The following COL4A6 variants were observed in gnomAD, a reference collection of about 807,000 sequenced individuals.
The protein encoded by COL4A6 is collagen type IV alpha 6 chain, also known as collagen alpha-6(IV) chain.
A neutral mutation model predicts 126.7 loss-of-function variants in COL4A6; 59 were observed. That is an observed-to-expected ratio of 0.47 (90% CI 0.38 to 0.58). COL4A6 has a LOEUF of 0.58. Ranked by LOEUF, COL4A6 falls within the 20% of genes least tolerant of loss-of-function variation. The pLI is 0.00. For missense variants in COL4A6, 1,285 were observed against 1,337.3 expected (o/e 0.96, Z 0.61); for synonymous variants, 547 against 496.6 (o/e 1.10, Z -1.35).
At chrX:108,287,948 C>T (rs184463902) in intron 3 of COL4A6, among the ~76,000 whole-genome samples, 24 of 111,829 alleles carry the variant, frequency 2.1e-4, no homozygotes, top group African/African-American at 7.8e-4. Context: ...TCTCAGGAAT[C>T]ACTGTTCCTT....
In COL4A6 at chrX:108,437,905, G is replaced by C. The variant is rs191763673; in HGVS notation, c.63+37C>G. 248 of 1,202,310 alleles carry C rather than the reference G, an allele frequency of 2.1e-4. 2 individuals carry two copies. The East Asian group carries it at 5.7e-3, about 28-fold the overall frequency. On this transcript the variant is annotated intron_variant, in intron 2 of 44. Coordinates refer to ENST00000334504, the MANE Select transcript of COL4A6 (RefSeq NM_033641.4). Reference sequence around the variant, plus strand: ...AGATGGGGATGGTTAGAGGGTCAAAGGAGGGGGACGGAAAAGGGTCGTGAG... The same window carrying C: ...AGATGGGGATGGTTAGAGGGTCAAACGAGGGGGACGGAAAAGGGTCGTGAG...
At chrX:108,341,980 AAG>A (rs1354972293) in intron 2 of COL4A6, among the ~76,000 whole-genome samples, 1 of 112,402 alleles carries the variant, frequency 8.9e-6, no homozygotes, top group Non-Finnish European at 1.9e-5. Flanking sequence ...TATCTAAGGA[AAG>A]AGAGAGTCCA....
chrX:108,273,455 A>G (rs2037509366), intron 3 of COL4A6, among the ~76,000 whole-genome samples: 1 of 111,109 alleles, frequency 9.0e-6, no homozygotes, highest in Non-Finnish European at 1.9e-5. Flanking sequence ...TAGAAATACC[A>G]TTTGACCCAG....
intron 2 of COL4A6, chrX:108,383,577 G>A: frequency 2.1e-6 from 1 of 483,754 alleles, no homozygotes; most frequent in Admixed American, 3.4e-5. Flanking sequence ...ACGAATGCGA[G>A]GCGAATAGCT....
intron 8 of COL4A6, among the ~76,000 whole-genome samples, chrX:108,207,991 T>TA (rs1279763363): frequency 9.0e-6 from 1 of 111,284 alleles, no homozygotes; most frequent in Non-Finnish European, 1.9e-5. Flanking sequence ...TAGAATGTTA[T>TA]AAAAAAACAA....
chrX:108,251,427 C>G (rs932297916), intron 3 of COL4A6, among the ~76,000 whole-genome samples: 6 of 111,604 alleles, frequency 5.4e-5, no homozygotes, highest in Non-Finnish European at 9.4e-5. Flanking sequence ...TCTCTCATGT[C>G]TCTGCCTAAA....
chrX:108,161,516 G>A (rs2148054276), intron 42 of COL4A6, 103 bp downstream of exon 42: 1 of 517,079 alleles, frequency 1.9e-6, no homozygotes, highest in African/African-American at 2.4e-5. Context: ...TCTACCACTG[G>A]GTTTATTAAG....
chrX:108,287,775 T>C (rs1360523601), intron 3 of COL4A6, among the ~76,000 whole-genome samples: 1 of 111,832 alleles, frequency 8.9e-6, no homozygotes, highest in Non-Finnish European at 1.9e-5. Context: ...TCTCTAATAC[T>C]TGTTCTGCAA....
At chrX:108,344,865 A>G (rs972679573) in intron 2 of COL4A6, among the ~76,000 whole-genome samples, 4 of 111,972 alleles carry the variant, frequency 3.6e-5, no homozygotes, top group South Asian at 7.5e-4. Flanking sequence ...AAATTCAAAT[A>G]TTTGAGTGGA....
At chrX:108,298,504 G>A (rs775060306) in intron 3 of COL4A6, among the ~76,000 whole-genome samples, 1 of 111,703 alleles carries the variant, frequency 9.0e-6, no homozygotes, top group East Asian at 2.9e-4. Flanking sequence ...TCACCTCCCA[G>A]CCACGGGTGG....
chrX:108,177,705 A>G (rs747140419), intron 27 of COL4A6, among the ~76,000 whole-genome samples: 49 of 112,270 alleles, frequency 4.4e-4, no homozygotes, highest in Non-Finnish European at 7.3e-4. Flanking sequence ...TTAAAAAACG[A>G]AAGGATTAAA....
At chrX:108,215,539 G>C (rs762850537) in intron 5 of COL4A6, among the ~76,000 whole-genome samples, 5 of 111,635 alleles carry the variant, frequency 4.5e-5, no homozygotes, top group Admixed American at 9.5e-5. Context: ...GGCCTCTATG[G>C]AGGCAACCTA....
chrX:108,427,804 A>AT (rs1441339629), intron 2 of COL4A6, among the ~76,000 whole-genome samples: 20 of 112,118 alleles, frequency 1.8e-4, no homozygotes, highest in Non-Finnish European at 3.8e-4. Context: ...ATAAGAGATG[A>AT]TAAAAAACTT....
intron 2 of COL4A6, among the ~76,000 whole-genome samples, chrX:108,389,924 G>A (rs1353215520): frequency 9.0e-6 from 1 of 111,374 alleles, no homozygotes; most frequent in Non-Finnish European, 1.9e-5. Flanking sequence ...GGCAGGCCCG[G>A]TGGTGACAAA....
At chrX:108,232,799 CA>C (rs918033399) in intron 3 of COL4A6, among the ~76,000 whole-genome samples, 2 of 111,500 alleles carry the variant, frequency 1.8e-5, no homozygotes, top group African/African-American at 6.5e-5. Context: ...TCAGTTGAGA[CA>C]ATGCCTGTGA....
chrX:108,436,132 T>C (rs1027180170), intron 2 of COL4A6, among the ~76,000 whole-genome samples: 2 of 112,480 alleles, frequency 1.8e-5, no homozygotes, highest in African/African-American at 6.4e-5. Context: ...CTTTACAATG[T>C]CAAAGATATT....
chrX:108,237,949 C>G (rs147127215), intron 3 of COL4A6, among the ~76,000 whole-genome samples: 164 of 108,521 alleles, frequency 1.5e-3, no homozygotes, highest in African/African-American at 5.3e-3. Flanking sequence ...TATCATCAAT[C>G]TCGATGTGTC....
intron 2 of COL4A6, among the ~76,000 whole-genome samples, chrX:108,416,805 T>C (rs180793443): frequency 0.017 from 1,899 of 112,011 alleles, 15 homozygotes; most frequent in Non-Finnish European, 0.027. Context: ...TGATACCTTG[T>C]TGGGTGTAGA....
At chrX:108,322,137 A>G (rs2039046020) in intron 2 of COL4A6, among the ~76,000 whole-genome samples, 1 of 111,199 alleles carries the variant, frequency 9.0e-6, no homozygotes, top group Non-Finnish European at 1.9e-5. Flanking sequence ...AAAACCTAAA[A>G]CCTTTGCATT....
Sources: gnomAD v4.1 joint callset for allele counts (sites outside exome capture counted in the v4.1 genomes callset) on GRCh38, gnomAD v4.1.1 for gene constraint, MANE v1.5 for transcripts, NCBI Gene and HGNC (gene_info 2026-07-23, HGNC 2026-07-21) for gene names.